The following MAGI2 variants were observed in gnomAD, a reference collection of about 807,000 sequenced individuals.
The protein encoded by MAGI2 is membrane-associated guanylate kinase, WW and PDZ domain-containing protein 2.
In MAGI2, 35 loss-of-function variants were observed where a neutral mutation model predicts 133.3. That is an observed-to-expected ratio of 0.26 (90% CI 0.20 to 0.35). The LOEUF is 0.35. MAGI2 is among the 10% of genes least tolerant of loss of function. MAGI2 has a pLI of 1.00. For synonymous variants in MAGI2, 729 were observed against 710.6 expected, an observed-to-expected ratio of 1.03 and a Z score of -0.41; for missense variants, 1,636 against 1,863.4, an observed-to-expected ratio of 0.88 and a Z score of 2.25.
At chr7:78,392,890 ACCTCAGGTGATTCGCCTG>A (rs1796025295) in intron 6 of MAGI2, among the ~76,000 whole-genome samples, 1 of 152,062 alleles carries the variant, frequency 6.6e-6, no homozygotes, top group South Asian at 2.1e-4. Context: ...TGATTCGCCA[ACCTCAGGTGATTCGCCTG>A]CCTTGGCCTC....
intron 2 of MAGI2, among the ~76,000 whole-genome samples, chr7:78,636,427 G>A (rs2150977575): frequency 6.9e-6 from 1 of 145,132 alleles, no homozygotes; most frequent in East Asian, 2.0e-4. Context: ...TGCCCCATAT[G>A]GCATCAATTA....
intron 6 of MAGI2, among the ~76,000 whole-genome samples, chr7:78,419,695 A>G (rs1397159313): frequency 6.6e-6 from 1 of 151,802 alleles, no homozygotes; most frequent in Non-Finnish European, 1.5e-5. Flanking sequence ...AAACATCTGG[A>G]AAACTGGCAG....
intron 5 of MAGI2, among the ~76,000 whole-genome samples, chr7:78,491,355 CTTTAA>C (rs937721235): frequency 6.6e-6 from 1 of 152,080 alleles, no homozygotes. Context: ...ATAGAGCTAT[CTTTAA>C]TTTGAGAACT....
At chr7:79,294,543 A>T (rs1362441071) in intron 1 of MAGI2, among the ~76,000 whole-genome samples, 1 of 151,922 alleles carries the variant, frequency 6.6e-6, no homozygotes, top group African/African-American at 2.4e-5. Flanking sequence ...TTCTCCAGAG[A>T]GTCCTTTTTA....
intron 2 of MAGI2, among the ~76,000 whole-genome samples, chr7:78,811,600 G>A (rs886281800): frequency 3.3e-5 from 5 of 152,098 alleles, no homozygotes; most frequent in Admixed American, 2.0e-4. Context: ...TTCATTTTCC[G>A]CACATAAGGT....
chr7:78,627,270 G>A (rs2150955026), intron 2 of MAGI2, 31 bp from the exon 3 acceptor site: 1 of 1,491,084 alleles, frequency 6.7e-7, no homozygotes, highest in Non-Finnish European at 8.9e-7. Context: ...ACAAAAGAAA[G>A]ACGCTAAGTG....
intron 1 of MAGI2, among the ~76,000 whole-genome samples, chr7:79,433,772 T>TA (rs1232576462): frequency 6.6e-6 from 1 of 152,032 alleles, no homozygotes; most frequent in Non-Finnish European, 1.5e-5. Flanking sequence ...AGTTCAGCAT[T>TA]AAAAAATGCA....
chr7:78,304,736 G>C (rs1798110876), intron 9 of MAGI2, among the ~76,000 whole-genome samples: 1 of 152,288 alleles, frequency 6.6e-6, no homozygotes, highest in East Asian at 1.9e-4. Flanking sequence ...AGGGGGATAA[G>C]ACGTATTGGG....
At chr7:79,071,698 G>T (rs775125277) in intron 1 of MAGI2, among the ~76,000 whole-genome samples, 1 of 151,716 alleles carries the variant, frequency 6.6e-6, no homozygotes, top group South Asian at 2.1e-4. Context: ...TGGCTGCCGC[G>T]GCCTTACGGA....
chr7:78,885,627 T>TGG (rs1796203205), intron 2 of MAGI2, among the ~76,000 whole-genome samples: 1 of 55,902 alleles, frequency 1.8e-5, no homozygotes, highest in Admixed American at 2.6e-4. Flanking sequence ...TTGAAAGGAA[T>TGG]AGTGTGTGTG....
At chr7:78,593,753 C>T (rs1804297413) in intron 3 of MAGI2, among the ~76,000 whole-genome samples, 1 of 152,168 alleles carries the variant, frequency 6.6e-6, no homozygotes, top group Admixed American at 6.5e-5. Context: ...TAAGCAGAGA[C>T]ATTTTTCATA....
At chr7:78,133,110 G>C (rs369890368) in intron 17 of MAGI2, 50 bp from the exon 18 acceptor site, 17 of 1,431,438 alleles carry the variant, frequency 1.2e-5, no homozygotes, top group Non-Finnish European at 1.6e-5. Flanking sequence ...GTGTTGATAA[G>C]GGGAAAGAAG....
intron 20 of MAGI2, among the ~76,000 whole-genome samples, chr7:78,094,028 A>G (rs3807742): frequency 0.04 from 6,100 of 152,272 alleles, 143 homozygotes; most frequent in East Asian, 0.069. Context: ...TCTAATTCAT[A>G]TATATATTTT....
At chr7:78,965,538 A>G (rs1473418733) in intron 2 of MAGI2, among the ~76,000 whole-genome samples, 1 of 151,990 alleles carries the variant, frequency 6.6e-6, no homozygotes, top group African/African-American at 2.4e-5. Flanking sequence ...ACATTTCGTT[A>G]GCCTAGAGAT....
chr7:78,389,978 C>T (rs1455257190), intron 6 of MAGI2, among the ~76,000 whole-genome samples: 4 of 152,316 alleles, frequency 2.6e-5, no homozygotes, highest in Middle Eastern at 3.4e-3. Context: ...ACTAATAATA[C>T]TATACTTTAT....
intron 2 of MAGI2, among the ~76,000 whole-genome samples, chr7:78,846,304 T>A (rs930807936): frequency 6.6e-6 from 1 of 151,986 alleles, no homozygotes; most frequent in Non-Finnish European, 1.5e-5. Context: ...AATTTAGTTA[T>A]ACTTGCATCT....
At chr7:78,094,191 T>C (rs2151225231) in intron 20 of MAGI2, among the ~76,000 whole-genome samples, 1 of 152,304 alleles carries the variant, frequency 6.6e-6, no homozygotes, top group East Asian at 1.9e-4. Context: ...CCTTTAACAC[T>C]GTATGGGTGA....
intron 21 of MAGI2, among the ~76,000 whole-genome samples, chr7:78,031,677 T>C (rs943604696): frequency 3.9e-5 from 6 of 152,194 alleles, no homozygotes; most frequent in African/African-American, 7.2e-5. Context: ...AATACAGCCC[T>C]GTCTGAAGTG....
intron 9 of MAGI2, among the ~76,000 whole-genome samples, chr7:78,282,547 C>CT (rs1200109079): frequency 4.1e-5 from 6 of 148,028 alleles, no homozygotes; most frequent in Admixed American, 6.8e-5. Context: ...TCTATCTTGT[C>CT]TTTTCCAGGA....
Sources: gnomAD v4.1 joint callset for allele counts (sites outside exome capture counted in the v4.1 genomes callset) on GRCh38, gnomAD v4.1.1 for gene constraint, MANE v1.5 for transcripts, NCBI Gene and HGNC (gene_info 2026-07-23, HGNC 2026-07-21) for gene names.